The following DOCK2 variants were observed in gnomAD, a reference collection of about 807,000 sequenced individuals.
The protein encoded by DOCK2 is dedicator of cytokinesis 2, also known as dedicator of cytokinesis protein 2.
DOCK2 carries 87 observed loss-of-function variants against 248.9 expected under a neutral mutation model. The ratio of observed to expected loss-of-function variants is 0.35; its 90% CI spans 0.29 to 0.42. DOCK2 has a LOEUF of 0.42. DOCK2 is among the 10% of genes least tolerant of loss of function. The probability of loss-of-function intolerance (pLI) is 1.00; values close to 1 mark genes in which losing one functional copy is unlikely to be tolerated. For synonymous variants in DOCK2, 805 were observed against 821.6 expected, an observed-to-expected ratio of 0.98 and a Z score of 0.35; for missense variants, 1,747 against 2,300.2, an observed-to-expected ratio of 0.76 and a Z score of 4.92.
intron 27 of DOCK2, among the ~76,000 whole-genome samples, chr5:169,911,809 A>G (rs2113621497): frequency 6.6e-6 from 1 of 152,328 alleles, no homozygotes. Flanking sequence ...AGCAAGTTCC[A>G]CGGAAAGCCT....
At chr5:169,839,003 C>T (rs943378026) in intron 26 of DOCK2, among the ~76,000 whole-genome samples, 3 of 152,196 alleles carry the variant, frequency 2.0e-5, no homozygotes, top group Non-Finnish European at 4.4e-5. Flanking sequence ...CCCTGCAATT[C>T]CTTACATTAA....
intron 27 of DOCK2, among the ~76,000 whole-genome samples, chr5:169,979,080 C>T (rs943730259): frequency 3.9e-5 from 6 of 152,066 alleles, no homozygotes; most frequent in Non-Finnish European, 7.4e-5. Flanking sequence ...GTAAATATGT[C>T]GATTACAGAA....
At position 169,712,218 on chromosome 5, in the gene DOCK2, C is replaced by T; in HGVS notation, c.1654C>T (p.Leu552Phe). Reference protein sequence around the residue: ...LHDGFHDLVVLKGDSKKMEDA... With the variant: ...LHDGFHDLVVFKGDSKKMEDA... ...CGATGGATTCCATGACTTAGTTGTCCTCAAGGTACCATGAGTTGGAAGGAG... is the reference window on the plus strand; with the variant it reads ...CGATGGATTCCATGACTTAGTTGTCTTCAAGGTACCATGAGTTGGAAGGAG... The change falls in exon 17 of 52, where the codon CTC becomes TTC. Residue 552 changes from leucine to phenylalanine, a missense_variant. Leu to Phe is a conservative substitution (Grantham distance 22). This residue lies in a region of DOCK2 where 858 missense variants were observed against 1,183.5 expected (regional missense o/e 0.72). Coordinates refer to ENST00000520908, the MANE Select transcript of DOCK2 (RefSeq NM_004946.3). 6.2e-7 allele frequency: 1 copy of T among 1,613,898 alleles called. No homozygotes were observed. Among genetic ancestry groups the T allele is most frequent in the Non-Finnish European group, 8.5e-7 (1 of 1,179,842 alleles).
chr5:169,667,399 T>G (rs775402242), intron 2 of DOCK2, among the ~76,000 whole-genome samples: 2 of 152,190 alleles, frequency 1.3e-5, no homozygotes, highest in Non-Finnish European at 2.9e-5. Flanking sequence ...ATCTATAAAA[T>G]GGGAATGATA....
At chr5:169,821,707 G>A (rs1365853928) in intron 26 of DOCK2, among the ~76,000 whole-genome samples, 2 of 152,122 alleles carry the variant, frequency 1.3e-5, no homozygotes, top group Non-Finnish European at 2.9e-5. Context: ...AAGAAACTGT[G>A]TCAACTAATG....
intron 23 of DOCK2, among the ~76,000 whole-genome samples, chr5:169,752,386 G>A (rs939795930): frequency 6.6e-6 from 1 of 152,058 alleles, no homozygotes; most frequent in Non-Finnish European, 1.5e-5. Flanking sequence ...TATCCCCAAT[G>A]TCTGGAACAA....
intron 27 of DOCK2, among the ~76,000 whole-genome samples, chr5:169,873,919 G>C (rs1272778499): frequency 6.6e-6 from 1 of 152,148 alleles, no homozygotes; most frequent in East Asian, 1.9e-4. Flanking sequence ...GTGCACAGCT[G>C]TGAGGCTTTG....
At chr5:169,824,773 G>T (rs1320312079) in intron 26 of DOCK2, among the ~76,000 whole-genome samples, 2 of 152,208 alleles carry the variant, frequency 1.3e-5, no homozygotes, top group Non-Finnish European at 2.9e-5. Context: ...ATTGACAAAT[G>T]CAATCTAAAT....
chr5:169,857,083 G>A (rs1180228989), intron 27 of DOCK2, among the ~76,000 whole-genome samples: 1 of 152,034 alleles, frequency 6.6e-6, no homozygotes, highest in African/African-American at 2.4e-5. Flanking sequence ...GTTCTGCTTT[G>A]AGCCAAGGCA....
chr5:169,871,707 G>C (rs886136292), intron 27 of DOCK2, among the ~76,000 whole-genome samples: 8 of 152,212 alleles, frequency 5.3e-5, no homozygotes, highest in Non-Finnish European at 8.8e-5. Context: ...TAGGGTGGTG[G>C]GGGTGGAGGT....
At chr5:170,016,669 T>C (rs899038688) in intron 32 of DOCK2, among the ~76,000 whole-genome samples, 2 of 152,236 alleles carry the variant, frequency 1.3e-5, no homozygotes, top group African/African-American at 4.8e-5. Flanking sequence ...CATCTAAAAT[T>C]TATCCTTATC....
chr5:169,772,264 TG>T (rs1423893638), intron 25 of DOCK2, among the ~76,000 whole-genome samples: 1 of 152,244 alleles, frequency 6.6e-6, no homozygotes, highest in Non-Finnish European at 1.5e-5. Flanking sequence ...GTTAGCATCC[TG>T]GGAATTATGT....
chr5:169,913,175 G>A (rs770322355), intron 27 of DOCK2, among the ~76,000 whole-genome samples: 3 of 152,188 alleles, frequency 2.0e-5, no homozygotes, highest in Non-Finnish European at 4.4e-5. Flanking sequence ...AATTTCATTA[G>A]TGTTCTAGCG....
chr5:169,873,451 T>C (rs1007487876), intron 27 of DOCK2, among the ~76,000 whole-genome samples: 3 of 152,210 alleles, frequency 2.0e-5, no homozygotes, highest in Admixed American at 1.3e-4. Context: ...GCTCAGTCCA[T>C]ATTGGAATTT....
At chr5:170,082,507 C>T (rs1398769703) in intron 51 of DOCK2, among the ~76,000 whole-genome samples, 3 of 152,156 alleles carry the variant, frequency 2.0e-5, no homozygotes, top group Non-Finnish European at 4.4e-5. Flanking sequence ...CCATGCTAAG[C>T]ACTTCCCAAG....
chr5:169,921,871 CTGAAGGAACATAGTAAA>C (rs1398711951), intron 27 of DOCK2, among the ~76,000 whole-genome samples: 38 of 152,284 alleles, frequency 2.5e-4, no homozygotes, highest in Non-Finnish European at 3.8e-4. Context: ...TACCCTTTTA[CTGAAGGAACATAGTAAA>C]TAATACTGTG....
chr5:169,718,012 A>C (rs1474381597), intron 21 of DOCK2, among the ~76,000 whole-genome samples: 3 of 152,206 alleles, frequency 2.0e-5, no homozygotes, highest in Admixed American at 6.5e-5. Context: ...CATTGTGCAG[A>C]GATCACACCA....
rs1368488539 is a variant in DOCK2 at position 169,716,244 on chromosome 5, A to G, written c.1973A>G (p.Asn658Ser). ...FLQDTLDALF[N>S]IMMEHSQSDE... ...CAGGATACTCTGGATGCCCTCTTCA[A>G]CATCATGATGGAGCATTCTCAAAGT... is the stretch of plus-strand genomic sequence containing the variant. Residue 658 changes from asparagine to serine, a missense_variant, in exon 20 of 52, where the codon AAC (asparagine) becomes AGC (serine). Asn to Ser is a conservative substitution (Grantham distance 46). Around this residue, in one of 4 missense-constraint regions of DOCK2, gnomAD observed 858 missense variants for 1,183.5 expected, o/e 0.72. Transcript: ENST00000520908. 1.9e-6 allele frequency: 3 copies of G among 1,613,782 alleles called. No individual in the cohort carries two copies. Among genetic ancestry groups the G allele is most frequent in the Non-Finnish European group, 2.5e-6 (3 of 1,179,738 alleles).
intron 22 of DOCK2, among the ~76,000 whole-genome samples, chr5:169,726,080 A>G (rs1228644400): frequency 2.0e-5 from 3 of 152,168 alleles, no homozygotes; most frequent in Non-Finnish European, 4.4e-5. Flanking sequence ...AGGAATCGCC[A>G]CACTGTCTTC....
Sources: gnomAD v4.1 joint callset for allele counts (sites outside exome capture counted in the v4.1 genomes callset) on GRCh38, gnomAD v4.1.1 for gene constraint, gnomAD v4.1.1 regional missense constraint, MANE v1.5 for transcripts, NCBI Gene and HGNC (gene_info 2026-07-23, HGNC 2026-07-21) for gene names.